DDX6: variants seen among roughly 807,000 people sequenced by gnomAD.
The protein encoded by DDX6 is DEAD-box helicase 6.
In DDX6, 7 loss-of-function variants were observed where a neutral mutation model predicts 60.6. The observed-to-expected ratio is 0.12, with a 90% confidence interval of 0.07 to 0.22. The LOEUF is 0.22. DDX6 is among the 10% of genes least tolerant of loss of function. The pLI is 1.00. For synonymous variants in DDX6, 207 were observed against 201.0 expected (o/e 1.03, Z -0.25); for missense variants, 270 against 589.9 (o/e 0.46, Z 5.62).
intron 3 of DDX6, 28 bp downstream of exon 3, chr11:118,781,093 T>C (rs782421933): frequency 5.4e-6 from 8 of 1,490,266 alleles, no homozygotes; most frequent in South Asian, 2.3e-5. Context: ...CCCACCATTA[T>C]TCTACTTGTA....
rs570625110 is a variant in DDX6, at chr11:118,767,032, A to G, written c.499+1191T>C. ...TCCTTGAGTAGCTGGGACTACAGGC[A>G]CATGTCACCACACCCAGCTAATTTT... On this transcript the variant is annotated intron_variant, in intron 5 of 13. Coordinates refer to ENST00000534980, the MANE Select transcript of DDX6 (RefSeq NM_004397.6). 2.6e-5 allele frequency among the ~76,000 whole-genome samples: 4 copies of G among 152,174 alleles called. No individual in the cohort carries two copies. The East Asian group carries it at 7.7e-4, about 29-fold the overall frequency.
intron 3 of DDX6, 114 bp downstream of exon 3, chr11:118,781,007 G>C (rs797043047): frequency 3.1e-6 from 2 of 654,486 alleles, no homozygotes; most frequent in Admixed American, 2.3e-5. Context: ...TGGAGGAGGA[G>C]GGTGGCAGTG....
intron 7 of DDX6, among the ~76,000 whole-genome samples, chr11:118,761,877 AAC>A (rs1350894025): frequency 5.3e-5 from 8 of 150,738 alleles, no homozygotes; most frequent in East Asian, 1.9e-4. Context: ...AAAAAAAAAA[AAC>A]AAACCATGTA....
At position 118,748,570 on chromosome 11, in the gene DDX6, T is replaced by G. The variant is rs1371250185; in HGVS notation, c.*3535A>C. 6.6e-6 allele frequency: 1 copy of G among 152,202 alleles called. No individual in the cohort carries two copies. The highest frequency in any genetic ancestry group is 1.9e-4 in the East Asian group (1 of 5,186). The allele number at this position is 152,202 out of a possible 1,614,324, so 9.4% of individuals were successfully genotyped here. ...TAGAACATTGAAAAAAATAGCAAAT[T>G]AAAATAAATGGCTTAATTTCCAAGA... On this transcript the variant is annotated 3_prime_UTR_variant, in exon 14 of 14. Transcript: ENST00000534980.
chr11:118,756,795 T>C (rs1337771151), intron 10 of DDX6, among the ~76,000 whole-genome samples: 3 of 152,214 alleles, frequency 2.0e-5, no homozygotes, highest in African/African-American at 7.2e-5. Flanking sequence ...GTGGCTGTGA[T>C]TGAGAAACTG....
chr11:118,758,787 G>T lies in DDX6; in HGVS notation c.980C>A (p.Thr327Lys). The change falls in exon 9 of 14, where the codon ACA (threonine) becomes AAA (lysine). Residue 327 changes from threonine (T) to lysine (K), a missense_variant. Coordinates refer to ENST00000534980, the MANE Select transcript of DDX6 (RefSeq NM_004397.6). Reference sequence around the variant, plus strand: ...CCTACTTCTTACCCTGGAGAAAAGTGTGTTGAGGCAGTGTACTTTTTGGCG... The same window carrying T: ...CCTACTTCTTACCCTGGAGAAAAGTTTGTTGAGGCAGTGTACTTTTTGGCG... ...TERQKVHCLNTLFSRLQINQS... is the reference protein window; with the variant it reads ...TERQKVHCLNKLFSRLQINQS... 6.2e-7 allele frequency: 1 copy of T among 1,613,786 alleles called. No homozygotes were observed. The highest frequency in any genetic ancestry group is 8.5e-7 in the Non-Finnish European group (1 of 1,179,780).
chr11:118,759,810 C>T (rs1861105707), intron 8 of DDX6, 112 bp downstream of exon 8: 1 of 1,216,562 alleles, frequency 8.2e-7, no homozygotes, highest in Non-Finnish European at 1.1e-6. Context: ...GAGCCAAAGG[C>T]TTGAAATAAT....
chr11:118,787,668 T>A (rs921738300), intron 1 of DDX6: 4 of 152,128 alleles, frequency 2.6e-5, no homozygotes, highest in Non-Finnish European at 5.9e-5. Context: ...AAGAAAAATG[T>A]ATTTTCTTTT....
chr11:118,752,898 G>A (rs1860825653), intron 13 of DDX6, among the ~76,000 whole-genome samples: 1 of 151,974 alleles, frequency 6.6e-6, no homozygotes, highest in Non-Finnish European at 1.5e-5. Flanking sequence ...AAACCAGCCG[G>A]GGCAACATAG....
At chr11:118,775,402 C>T (rs1861665628) in intron 4 of DDX6, among the ~76,000 whole-genome samples, 1 of 152,088 alleles carries the variant, frequency 6.6e-6, no homozygotes, top group African/African-American at 2.4e-5. Context: ...AATTTTTTTA[C>T]TAGGGGATCT....
chr11:118,770,104 G>A (rs1555162181), intron 4 of DDX6, among the ~76,000 whole-genome samples: 1 of 151,530 alleles, frequency 6.6e-6, no homozygotes. Context: ...TTGGCTCACT[G>A]CAACTTTCGC....
rs1860731549 is a variant in DDX6, at chr11:118,750,748, G to A, written c.*1357C>T. 6.6e-6 allele frequency: 1 copy of A among 152,096 alleles called. No homozygotes were observed. Among genetic ancestry groups the A allele is most frequent in the Non-Finnish European group, 1.5e-5 (1 of 68,018 alleles). The allele number at this position is 152,096 out of a possible 1,614,324, so 9.4% of individuals were successfully genotyped here. A position where few individuals can be genotyped will look rare whatever the true frequency, so the allele number is the denominator to read the frequency against. On this transcript the variant is annotated 3_prime_UTR_variant, in exon 14 of 14. Transcript: ENST00000534980. ...GAAATATTCCTCAAACTTTTAGAAA[G>A]GGGGAAGAAGCAAAATCAGAGCTTC...
intron 4 of DDX6, among the ~76,000 whole-genome samples, chr11:118,773,099 C>A (rs944265249): frequency 1.3e-5 from 2 of 152,164 alleles, no homozygotes. Context: ...TAAGTTAGAT[C>A]GAGTTGGTTT....
rs1194158780 is a variant in DDX6 at position 118,748,123 on chromosome 11, T to C, written c.*3982A>G. ...TGACTTTGTTTTCTCCAGGCTCCCC[T>C]TCCCACACAACCAATGTAAAATACA... is the stretch of plus-strand genomic sequence containing the variant. On this transcript the variant is annotated 3_prime_UTR_variant, in exon 14 of 14. Transcript: ENST00000534980. The C allele has an allele frequency of 1.3e-5, 2 of 152,122 alleles. No individual in the cohort carries two copies. The highest frequency in any genetic ancestry group is 2.9e-5 in the Non-Finnish European group (2 of 68,020). The allele number at this position is 152,122 out of a possible 1,614,324, so 9.4% of individuals were successfully genotyped here. A position where few individuals can be genotyped will look rare whatever the true frequency, so the allele number is the denominator to read the frequency against.
At chr11:118,761,775 A>T (rs1433678272) in intron 7 of DDX6, among the ~76,000 whole-genome samples, 9 of 152,060 alleles carry the variant, frequency 5.9e-5, no homozygotes, top group Admixed American at 5.9e-4. Context: ...CGTATTTTAT[A>T]AGCAAATTAG....
intron 6 of DDX6, 37 bp downstream of exon 6, chr11:118,765,167 AATAAC>A: frequency 6.3e-7 from 1 of 1,592,780 alleles, no homozygotes; most frequent in Non-Finnish European, 8.6e-7. Context: ...TTGTGACTAA[AATAAC>A]AGAGAGCTAC....
chr11:118,790,149 T>C (rs1043073382), intron 1 of DDX6: 4 of 152,050 alleles, frequency 2.6e-5, no homozygotes, highest in African/African-American at 9.7e-5. Flanking sequence ...TGAAGGGAAA[T>C]GGGGGCTGAG....
At chr11:118,755,556 T>A (rs1159144396) in intron 11 of DDX6, 53 bp from the exon 12 acceptor site, 11 of 976,512 alleles carry the variant, frequency 1.1e-5, no homozygotes, top group Non-Finnish European at 1.8e-5. Flanking sequence ...TGTCTCTCAG[T>A]ACAATACTAA....
rs1413424701 is a variant in DDX6 at position 118,751,231 on chromosome 11, T to A, written c.*874A>T. On this transcript the variant is annotated 3_prime_UTR_variant, in exon 14 of 14. Coordinates refer to ENST00000534980, the MANE Select transcript of DDX6 (RefSeq NM_004397.6). ...GCCATACTACTACTGGAGGCATATG[T>A]AACCCAGTCTTTAGTGTCTGCTATA... 7 of 152,324 alleles carry A rather than the reference T, an allele frequency of 4.6e-5. No homozygotes were observed. Among genetic ancestry groups the A allele is most frequent in the Admixed American group, 3.3e-4 (5 of 15,254 alleles). The allele number at this position is 152,324 out of a possible 1,614,324, so 9.4% of individuals were successfully genotyped here. A position where few individuals can be genotyped will look rare whatever the true frequency, so the allele number is the denominator to read the frequency against.
Sources: allele counts gnomAD v4.1 joint callset (sites outside exome capture counted in the v4.1 genomes callset), GRCh38; gene constraint gnomAD v4.1.1; transcripts MANE v1.5; gene names NCBI Gene and HGNC (gene_info 2026-07-23, HGNC 2026-07-21).